The following OPCML variants were observed in gnomAD, a reference collection of about 807,000 sequenced individuals.
OPCML encodes the protein opioid binding protein/cell adhesion molecule like.
A neutral mutation model predicts 37.8 loss-of-function variants in OPCML; 13 were observed. The ratio of observed to expected loss-of-function variants is 0.34; its 90% CI spans 0.22 to 0.55. The LOEUF is 0.55. OPCML is among the 20% of genes least tolerant of loss of function. OPCML has a pLI of 0.91. For missense variants in OPCML, 341 were observed against 435.6 expected (o/e 0.78, Z 1.93); for synonymous variants, 176 against 168.8 (o/e 1.04, Z -0.33).
chr11:133,404,567 G>A (rs1375540291), intron 1 of OPCML, among the ~76,000 whole-genome samples: 3 of 152,152 alleles, frequency 2.0e-5, no homozygotes, highest in African/African-American at 7.2e-5. Flanking sequence ...ACTTTCCCAA[G>A]GTTACATAGC....
rs114372604 is a variant in OPCML at position 132,922,637 on chromosome 11, T to C, written c.146+20289A>G. 7.6e-3 allele frequency among the ~76,000 whole-genome samples: 1,161 copies of C among 152,276 alleles called. 12 individuals are homozygous for C. The highest frequency in any genetic ancestry group is 0.027 in the African/African-American group (1,103 of 41,550). On this transcript the variant is annotated intron_variant, in intron 2 of 7. Transcript: ENST00000524381. ...CATGGTCCTTATAACACAGCCTACCTCTTTATTTAAACAGCTTGAGTGGAG... is the reference window on the plus strand; with the variant it reads ...CATGGTCCTTATAACACAGCCTACCCCTTTATTTAAACAGCTTGAGTGGAG...
rs560361774 is a variant in OPCML at position 132,738,962 on chromosome 11, T to C, written c.147-81643A>G. ...AGAGATGATTTTGAGCTGAAAACAA[T>C]TGAGCAACAGCAGATGGAAAAAAAA... On this transcript the variant is annotated intron_variant, in intron 2 of 7. Transcript: ENST00000524381. 2.8e-4 allele frequency among the ~76,000 whole-genome samples: 43 copies of C among 152,100 alleles called. 1 individual carries two copies. In the South Asian group the frequency reaches 6.8e-3, roughly 24 times the overall value.
At chr11:133,083,236 G>GGCGGGA (rs1224593196) in intron 1 of OPCML, among the ~76,000 whole-genome samples, 3 of 152,148 alleles carry the variant, frequency 2.0e-5, no homozygotes, top group East Asian at 1.9e-4. Flanking sequence ...TGCACTGAGC[G>GGCGGGA]GCGGGAGCGG....
intron 2 of OPCML, among the ~76,000 whole-genome samples, chr11:132,730,842 C>A (rs1187003529): frequency 6.6e-6 from 1 of 151,630 alleles, no homozygotes; most frequent in Admixed American, 6.6e-5. Context: ...TCACATGAAG[C>A]CTGTATTTGT....
At chr11:133,502,273 C>T (rs564511238) in intron 1 of OPCML, among the ~76,000 whole-genome samples, 29 of 152,324 alleles carry the variant, frequency 1.9e-4, no homozygotes, top group African/African-American at 3.1e-4. Flanking sequence ...CATACAGCAG[C>T]GGCTTAGAGC....
intron 1 of OPCML, among the ~76,000 whole-genome samples, chr11:133,336,516 T>C (rs1943747512): frequency 6.6e-6 from 1 of 152,176 alleles, no homozygotes; most frequent in Non-Finnish European, 1.5e-5. Flanking sequence ...GCTTTTAAGA[T>C]GGAAGTCAAT....
At chr11:132,554,877 T>TG (rs1226687347) in intron 3 of OPCML, among the ~76,000 whole-genome samples, 5 of 137,310 alleles carry the variant, frequency 3.6e-5, no homozygotes, top group East Asian at 2.3e-4. Flanking sequence ...TTTTTTTTTT[T>TG]TTTTTTTTTT....
chr11:133,052,742 G>A (rs951623597), intron 1 of OPCML, among the ~76,000 whole-genome samples: 1 of 152,170 alleles, frequency 6.6e-6, no homozygotes, highest in African/African-American at 2.4e-5. Context: ...CCAGCCACAT[G>A]AGACTTTGAC....
intron 3 of OPCML, among the ~76,000 whole-genome samples, chr11:132,547,051 A>G (rs557397415): frequency 6.6e-6 from 1 of 152,342 alleles, no homozygotes; most frequent in Non-Finnish European, 1.5e-5. Flanking sequence ...GCAAACATAA[A>G]GGCCACTTTA....
chr11:132,841,613 G>A (rs1941290097), intron 2 of OPCML, among the ~76,000 whole-genome samples: 1 of 152,020 alleles, frequency 6.6e-6, no homozygotes, highest in African/African-American at 2.4e-5. Context: ...GACGGGCCTG[G>A]TGGCTCACAC....
chr11:133,242,247 A>C (rs1940758622), intron 1 of OPCML, among the ~76,000 whole-genome samples: 1 of 152,180 alleles, frequency 6.6e-6, no homozygotes, highest in East Asian at 1.9e-4. Flanking sequence ...CATCACCAGG[A>C]GAGGAAAACG....
intron 4 of OPCML, among the ~76,000 whole-genome samples, chr11:132,511,234 ACCACACACTGAAAG>A (rs2096268208): frequency 2.0e-5 from 3 of 152,234 alleles, no homozygotes; most frequent in Admixed American, 2.0e-4. Context: ...ATAATTTGGA[ACCACACACTGAAAG>A]CCATAAAACA....
intron 1 of OPCML, among the ~76,000 whole-genome samples, chr11:133,247,540 TTTTCTTTCTTTCTTTC>T (rs68035695): frequency 2.4e-4 from 29 of 122,454 alleles, no homozygotes; most frequent in Non-Finnish European, 2.1e-4. Flanking sequence ...CTTTCCTTCT[TTTTCTTTCTTTCTTTC>T]TTTCTTTCTT....
chr11:133,524,518 G>T (rs1159963476), intron 1 of OPCML, among the ~76,000 whole-genome samples: 3 of 152,116 alleles, frequency 2.0e-5, no homozygotes, highest in Non-Finnish European at 4.4e-5. Context: ...AATAACTGGG[G>T]CCATTTCAGC....
chr11:133,411,758 G>A (rs532303555), intron 1 of OPCML, among the ~76,000 whole-genome samples: 10 of 152,260 alleles, frequency 6.6e-5, no homozygotes, highest in Middle Eastern at 3.4e-3. Context: ...CGAAACCTCC[G>A]AGTCCCAGGT....
At chr11:132,754,047 G>A (rs766771820) in intron 2 of OPCML, among the ~76,000 whole-genome samples, 26 of 152,194 alleles carry the variant, frequency 1.7e-4, no homozygotes, top group Non-Finnish European at 3.1e-4. Flanking sequence ...AAGGTCTACT[G>A]TGCCTGGGCT....
At chr11:133,020,492 C>A (rs1947430831) in intron 1 of OPCML, among the ~76,000 whole-genome samples, 1 of 152,190 alleles carries the variant, frequency 6.6e-6, no homozygotes, top group Non-Finnish European at 1.5e-5. Flanking sequence ...TGGCTCAGCA[C>A]TGAGAGGAGC....
chr11:132,518,772 GACC>G (rs2096285772), intron 4 of OPCML, among the ~76,000 whole-genome samples: 1 of 152,096 alleles, frequency 6.6e-6, no homozygotes, highest in Non-Finnish European at 1.5e-5. Flanking sequence ...TCTCCCACTA[GACC>G]ATAGGCTCCA....
intron 2 of OPCML, among the ~76,000 whole-genome samples, chr11:132,676,801 AAAAG>A (rs1304855610): frequency 4.6e-5 from 7 of 151,216 alleles, no homozygotes; most frequent in Non-Finnish European, 1.0e-4. Flanking sequence ...AAAAAAAAAA[AAAAG>A]AAAGAACGAG....
Sources: allele counts gnomAD v4.1 joint callset (sites outside exome capture counted in the v4.1 genomes callset), GRCh38; gene constraint gnomAD v4.1.1; transcripts MANE v1.5; gene names NCBI Gene and HGNC (gene_info 2026-07-23, HGNC 2026-07-21).